Variants in CACNA2D3 observed in about 807,000 individuals in gnomAD.
CACNA2D3 encodes voltage-dependent calcium channel subunit alpha-2/delta-3.
CACNA2D3 carries 60 observed loss-of-function variants against 160.6 expected under a neutral mutation model. The observed-to-expected ratio is 0.37, with a 90% CI of 0.30 to 0.46. The LOEUF is 0.46. Among genes scored for constraint, CACNA2D3 ranks in the 20% least tolerant of loss-of-function variants. CACNA2D3 has a pLI of 1.00. For synonymous variants in CACNA2D3, 558 were observed against 492.9 expected, an observed-to-expected ratio of 1.13 and a Z score of -1.75; for missense variants, 1,205 against 1,365.0, an observed-to-expected ratio of 0.88 and a Z score of 1.85.
At chr3:54,316,452 A>G (rs1703864919) in intron 2 of CACNA2D3, among the ~76,000 whole-genome samples, 1 of 152,216 alleles carries the variant, frequency 6.6e-6, no homozygotes, top group African/African-American at 2.4e-5. Context: ...AGTCATTAAC[A>G]TGTCTTGGAA....
chr3:54,342,512 T>C (rs1377973675), intron 3 of CACNA2D3, among the ~76,000 whole-genome samples: 1 of 151,700 alleles, frequency 6.6e-6, no homozygotes, highest in South Asian at 2.1e-4. Flanking sequence ...TGGATAGGAG[T>C]GGGGTAGATC....
intron 2 of CACNA2D3, among the ~76,000 whole-genome samples, chr3:54,290,444 C>G (rs562858987): frequency 1.3e-5 from 2 of 152,238 alleles, no homozygotes; most frequent in East Asian, 3.9e-4. Flanking sequence ...AATAGGAACA[C>G]TTTTACACTG....
intron 27 of CACNA2D3, among the ~76,000 whole-genome samples, chr3:54,958,820 T>C (rs1475323316): frequency 1.3e-5 from 2 of 152,126 alleles, no homozygotes; most frequent in Admixed American, 6.5e-5. Flanking sequence ...AAATATTTTA[T>C]CTGCCTGGCA....
intron 2 of CACNA2D3, among the ~76,000 whole-genome samples, chr3:54,261,710 A>G (rs1157097655): frequency 1.3e-5 from 2 of 152,210 alleles, no homozygotes; most frequent in Non-Finnish European, 2.9e-5. Flanking sequence ...TTAAATTCAG[A>G]AAGGTCTCTG....
chr3:54,441,019 G>A (rs1700136539), intron 4 of CACNA2D3, among the ~76,000 whole-genome samples: 1 of 152,006 alleles, frequency 6.6e-6, no homozygotes, highest in South Asian at 2.1e-4. Flanking sequence ...GGATGGCTGG[G>A]TCAAATGGTA....
intron 2 of CACNA2D3, among the ~76,000 whole-genome samples, chr3:54,211,621 A>G (rs1304666433): frequency 3.9e-5 from 6 of 152,156 alleles, no homozygotes; most frequent in African/African-American, 1.4e-4. Flanking sequence ...ACAAAACTTA[A>G]TTAGACTCAT....
intron 29 of CACNA2D3, among the ~76,000 whole-genome samples, chr3:54,974,026 A>G (rs536354545): frequency 5.5e-4 from 84 of 152,236 alleles, no homozygotes; most frequent in African/African-American, 1.9e-3. Context: ...AGGCAGTACA[A>G]TACCGGGTTT....
At chr3:54,507,957 G>T (rs953780199) in intron 5 of CACNA2D3, among the ~76,000 whole-genome samples, 2 of 152,222 alleles carry the variant, frequency 1.3e-5, no homozygotes, top group Non-Finnish European at 2.9e-5. Flanking sequence ...CAAGTGCTGT[G>T]GTCTGAATGT....
intron 13 of CACNA2D3, among the ~76,000 whole-genome samples, chr3:54,793,266 A>T (rs141027451): frequency 6.6e-6 from 1 of 152,244 alleles, no homozygotes; most frequent in South Asian, 2.1e-4. Flanking sequence ...TTACCACCCG[A>T]TATCTCCTGT....
intron 4 of CACNA2D3, among the ~76,000 whole-genome samples, chr3:54,468,550 G>A (rs1181540535): frequency 2.6e-5 from 4 of 152,138 alleles, no homozygotes; most frequent in African/African-American, 4.8e-5. Context: ...TCATGTCCCC[G>A]TGGCGCCTGG....
At chr3:54,514,862 G>C (rs546036662) in intron 5 of CACNA2D3, among the ~76,000 whole-genome samples, 1 of 152,194 alleles carries the variant, frequency 6.6e-6, no homozygotes, top group African/African-American at 2.4e-5. Context: ...GTTTTGGGTT[G>C]AAATAAGGGA....
chr3:54,513,185 A>G (rs909720383), intron 5 of CACNA2D3, among the ~76,000 whole-genome samples: 1 of 152,102 alleles, frequency 6.6e-6, no homozygotes, highest in African/African-American at 2.4e-5. Flanking sequence ...TCTTAGAAGG[A>G]CCTGGGGGCC....
At chr3:54,652,552 G>A (rs1385567794) in intron 11 of CACNA2D3, among the ~76,000 whole-genome samples, 1 of 152,124 alleles carries the variant, frequency 6.6e-6, no homozygotes, top group Non-Finnish European at 1.5e-5. Context: ...AGAGGAGCTG[G>A]GTGGGGAAGG....
chr3:54,429,839 T>G (rs1187603110), intron 4 of CACNA2D3, among the ~76,000 whole-genome samples: 1 of 152,214 alleles, frequency 6.6e-6, no homozygotes, highest in Non-Finnish European at 1.5e-5. Context: ...TTAAATAGCC[T>G]TCTATGGATT....
At chr3:54,543,478 G>A (rs943221217) in intron 5 of CACNA2D3, among the ~76,000 whole-genome samples, 2 of 152,164 alleles carry the variant, frequency 1.3e-5, no homozygotes, top group African/African-American at 4.8e-5. Flanking sequence ...TTTTTAAAGG[G>A]TGATTTCTAC....
At chr3:54,465,535 G>A (rs551610329) in intron 4 of CACNA2D3, among the ~76,000 whole-genome samples, 9 of 152,130 alleles carry the variant, frequency 5.9e-5, no homozygotes, top group Non-Finnish European at 1.2e-4. Flanking sequence ...GTCTTGGAAC[G>A]TATCTCTGTG....
At chr3:54,918,529 C>T in intron 27 of CACNA2D3, 1 of 1,613,942 alleles carries the variant, frequency 6.2e-7, no homozygotes, top group Non-Finnish European at 8.5e-7. Context: ...AGCCAAGGGT[C>T]CCCCATGGTA....
chr3:54,775,809 C>G (rs9879439), intron 13 of CACNA2D3, among the ~76,000 whole-genome samples: 4,803 of 152,264 alleles, frequency 0.032, 233 homozygotes, highest in African/African-American at 0.11. Flanking sequence ...AGAACCCACT[C>G]AAGCTGTGAG....
At chr3:54,171,084 G>A (rs1700556104) in intron 2 of CACNA2D3, among the ~76,000 whole-genome samples, 1 of 142,594 alleles carries the variant, frequency 7.0e-6, no homozygotes, top group African/African-American at 2.6e-5. Context: ...CCTATTTTAG[G>A]TACTTTGATG....
Sources: allele counts gnomAD v4.1 joint callset (sites outside exome capture counted in the v4.1 genomes callset), GRCh38; gene constraint gnomAD v4.1.1; transcripts MANE v1.5; gene names NCBI Gene and HGNC (gene_info 2026-07-23, HGNC 2026-07-21).